The following DENND4A variants were observed in gnomAD, a reference collection of about 807,000 sequenced individuals.
The protein encoded by DENND4A is DENN domain containing 4A.
Under a neutral mutation model 199.3 loss-of-function variants are expected in DENND4A, and 70 were observed. That is an observed-to-expected ratio of 0.35 (90% CI 0.29 to 0.43). The LOEUF (loss-of-function observed/expected upper bound fraction) is 0.43. Among genes scored for constraint, DENND4A ranks in the 20% least tolerant of loss-of-function variants. The probability of loss-of-function intolerance (pLI) is 1.00; values close to 1 mark genes in which losing one functional copy is unlikely to be tolerated. For synonymous variants in DENND4A, 686 were observed against 766.9 expected (o/e 0.89, Z 1.74); for missense variants, 1,723 against 2,255.8 (o/e 0.76, Z 4.78).
chr15:65,764,652 A>T (rs773105644), intron 1 of DENND4A, among the ~76,000 whole-genome samples: 4 of 151,894 alleles, frequency 2.6e-5, no homozygotes, highest in Non-Finnish European at 5.9e-5. Context: ...ATAATTAATT[A>T]AATTTAATTT....
rs76492844 is a variant in DENND4A at position 65,740,967 on chromosome 15, C to A, written c.631+748G>T. ...ACCGAATGAGACCCCGTACCCCCCC[C>A]AAAAAAAATCAAATGTAAAAGAGAA... On this transcript the variant is annotated intron_variant, in intron 5 of 32. Coordinates refer to ENST00000443035, the MANE Select transcript of DENND4A (RefSeq NM_001320835.1). 5.2e-3 allele frequency among the ~76,000 whole-genome samples: 790 copies of A among 151,484 alleles called. 10 individuals are homozygous for A. Among genetic ancestry groups the A allele is most frequent in the African/African-American group, 0.018 (728 of 41,238 alleles).
At chr15:65,729,384 G>T in intron 10 of DENND4A, 137 bp from the exon 11 acceptor site, 1 of 1,365,872 alleles carries the variant, frequency 7.3e-7, no homozygotes, top group Non-Finnish European at 1.0e-6. Flanking sequence ...TATAACTAGA[G>T]TTAATGGTCA....
intron 27 of DENND4A, among the ~76,000 whole-genome samples, chr15:65,669,099 G>T (rs1312993831): frequency 6.6e-6 from 1 of 152,090 alleles, no homozygotes; most frequent in African/African-American, 2.4e-5. Flanking sequence ...AAAGATAAGG[G>T]CTACAATAGA....
intron 28 of DENND4A, 78 bp from the exon 29 acceptor site, chr15:65,667,781 G>A (rs946925608): frequency 2.7e-6 from 4 of 1,502,604 alleles, no homozygotes; most frequent in Admixed American, 2.1e-5. Flanking sequence ...ATTCCCATAT[G>A]AGTAGAAAAG....
intron 24 of DENND4A, among the ~76,000 whole-genome samples, chr15:65,673,151 G>A (rs1428681520): frequency 1.3e-5 from 2 of 149,906 alleles, no homozygotes; most frequent in Non-Finnish European, 3.0e-5. Context: ...GTGAGCCACC[G>A]TGCCCAGCCG....
chr15:65,679,315 A>T (rs2076492287), intron 23 of DENND4A, among the ~76,000 whole-genome samples: 1 of 149,506 alleles, frequency 6.7e-6, no homozygotes, highest in Non-Finnish European at 1.5e-5. Flanking sequence ...ATTAGCCAGG[A>T]TGGTCTCCAT....
At chr15:65,728,300 G>C (rs2075865863) in intron 11 of DENND4A, among the ~76,000 whole-genome samples, 1 of 152,048 alleles carries the variant, frequency 6.6e-6, no homozygotes, top group Non-Finnish European at 1.5e-5. Flanking sequence ...ACCACGCCCA[G>C]TCTATATTTA....
In DENND4A at chr15:65,665,172, G is replaced by A. The variant is rs935091925; in HGVS notation, c.5359+173C>T. The A allele has an allele frequency of 4.4e-5, 24 of 539,560 alleles. No homozygotes were observed. In the South Asian group the frequency reaches 6.5e-4, roughly 15 times the overall value. 33.4% of individuals were successfully genotyped at this position (539,560 alleles called of 1,614,324 possible). ...AAAAACCCTTAGACCTCCATAGAAG[G>A]TAGCACTAAAAAAATCAAACACTCA... On this transcript the variant is annotated intron_variant, in intron 30 of 32. Transcript: ENST00000443035.
chr15:65,721,625 G>A (rs1045601638), intron 12 of DENND4A, among the ~76,000 whole-genome samples: 8 of 149,094 alleles, frequency 5.4e-5, no homozygotes, highest in African/African-American at 2.0e-4. Flanking sequence ...AGAGAAAGAC[G>A]ACGTCTCACT....
chr15:65,728,781 G>A (rs554673852), intron 11 of DENND4A, among the ~76,000 whole-genome samples: 5 of 152,112 alleles, frequency 3.3e-5, no homozygotes, highest in East Asian at 1.9e-4. Context: ...GAGCCACCGC[G>A]CCCGGCCCCC....
intron 3 of DENND4A, among the ~76,000 whole-genome samples, chr15:65,753,501 G>A (rs1159538653): frequency 6.6e-6 from 1 of 151,938 alleles, no homozygotes; most frequent in African/African-American, 2.4e-5. Flanking sequence ...TGGGATTACA[G>A]GCGTGTGGCA....
At position 65,747,159 on chromosome 15, in the gene DENND4A, A is replaced by AATTTGCCAAAAATTAGCTGTG. The variant is rs2076425814; in HGVS notation, c.561+5199_561+5219dup. On this transcript the variant is annotated intron_variant, in intron 4 of 32. Coordinates refer to ENST00000443035, the MANE Select transcript of DENND4A (RefSeq NM_001320835.1). Reference sequence around the variant, plus strand: ...GTCAAAAACTAAGGAGATAGTCTCAAATTTGCCAAAAATTAGCTGTGTGTT... The same window carrying AATTTGCCAAAAATTAGCTGTG: ...GTCAAAAACTAAGGAGATAGTCTCAAATTTGCCAAAAATTAGCTGTGATTTGCCAAAAATTAGCTGTGTGTT... Among the ~76,000 whole-genome samples the AATTTGCCAAAAATTAGCTGTG allele has an allele frequency of 3.3e-5, 5 of 152,054 alleles. No individual in the cohort carries two copies. In the South Asian group the frequency reaches 1.0e-3, roughly 32 times the overall value.
At chr15:65,738,527 G>A (rs1307365353) in intron 6 of DENND4A, among the ~76,000 whole-genome samples, 179 bp downstream of exon 6, 1 of 152,100 alleles carries the variant, frequency 6.6e-6, no homozygotes, top group Non-Finnish European at 1.5e-5. Context: ...GCATTTAGGT[G>A]GATGGGACAG....
intron 4 of DENND4A, among the ~76,000 whole-genome samples, chr15:65,744,088 T>A (rs1456418872): frequency 2.0e-5 from 3 of 151,962 alleles, no homozygotes; most frequent in Non-Finnish European, 1.5e-5. Flanking sequence ...AGGCAAAAAT[T>A]ATGAGAGTTT....
chr15:65,663,735 G>C (rs1380351111), intron 32 of DENND4A, among the ~76,000 whole-genome samples: 1 of 151,762 alleles, frequency 6.6e-6, no homozygotes, highest in Non-Finnish European at 1.5e-5. Context: ...CTGCAGCCTC[G>C]ACTGCCCAGG....
chr15:65,767,068 G>A (rs1331680092), intron 1 of DENND4A, among the ~76,000 whole-genome samples: 2 of 152,178 alleles, frequency 1.3e-5, no homozygotes, highest in East Asian at 3.8e-4. Context: ...GAAACTTTGT[G>A]CTCTACTTTT....
intron 28 of DENND4A, 24 bp downstream of exon 28, chr15:65,667,901 A>T: frequency 1.3e-6 from 2 of 1,582,158 alleles, no homozygotes; most frequent in South Asian, 1.2e-5. Flanking sequence ...ATTTCCAAAT[A>T]AAAAAATACA....
intron 12 of DENND4A, among the ~76,000 whole-genome samples, chr15:65,720,947 T>TATTATATATATATATA (rs1555425654): frequency 5.2e-4 from 40 of 76,224 alleles, no homozygotes; most frequent in Non-Finnish European, 7.7e-4. Context: ...GTTTCATTGA[T>TATTATATATATATATA]TATATATATA....
chr15:65,752,747 C>T, intron 3 of DENND4A, 119 bp from the exon 4 acceptor site: 1 of 675,148 alleles, frequency 1.5e-6, no homozygotes, highest in Non-Finnish European at 2.3e-6. Context: ...TCCAATCTTA[C>T]TGCAATTTTA....
Sources: gnomAD v4.1 joint callset for allele counts (sites outside exome capture counted in the v4.1 genomes callset) on GRCh38, gnomAD v4.1.1 for gene constraint, MANE v1.5 for transcripts, NCBI Gene and HGNC (gene_info 2026-07-23, HGNC 2026-07-21) for gene names.